The following DMD variants were observed in gnomAD, a reference collection of about 807,000 sequenced individuals.
DMD encodes dystrophin, also known as mutant dystrophin.
Under a neutral mutation model 330.1 loss-of-function variants are expected in DMD, and 63 were observed. That is an observed-to-expected ratio of 0.19 (90% CI 0.16 to 0.24). The LOEUF (loss-of-function observed/expected upper bound fraction) is 0.24. Ranked by LOEUF, DMD falls within the 10% of genes least tolerant of loss-of-function variation. The pLI, the probability that DMD is intolerant of heterozygous loss-of-function variation, is 1.00. For missense variants in DMD, 3,344 were observed against 2,684.1 expected, an observed-to-expected ratio of 1.25 and a Z score of -5.43; for synonymous variants, 1,223 against 959.8, an observed-to-expected ratio of 1.27 and a Z score of -5.07.
At chrX:32,949,068 T>C (rs1569544996) in intron 2 of DMD, among the ~76,000 whole-genome samples, 1 of 111,317 alleles carries the variant, frequency 9.0e-6, no homozygotes, top group East Asian at 2.8e-4. Flanking sequence ...TTTAAAGAGA[T>C]GTTTGGGGTT....
At chrX:32,494,632 A>G (rs2043308707) in intron 19 of DMD, among the ~76,000 whole-genome samples, 1 of 111,606 alleles carries the variant, frequency 9.0e-6, no homozygotes, top group African/African-American at 3.3e-5. Context: ...ATGCTGACAC[A>G]TACTAGGCAA....
chrX:32,814,552 G>A, intron 6 of DMD, among the ~76,000 whole-genome samples: 1 of 111,770 alleles, frequency 8.9e-6, no homozygotes, highest in Non-Finnish European at 1.9e-5. Flanking sequence ...AAAGAAGGGG[G>A]AGATGATTCA....
intron 1 of DMD, among the ~76,000 whole-genome samples, chrX:33,193,436 T>A (rs180671262): frequency 3.5e-5 from 4 of 112,864 alleles, no homozygotes. Flanking sequence ...TTTCAATATG[T>A]ATAGCAATTG....
In DMD at chrX:32,313,469, G is replaced by GCATT. The variant is rs980497995; in HGVS notation, c.5923-3197_5923-3194dup. ...CATACTGAATGGGCAAAAGCTAGAA[G>GCATT]CATTCCCTTTGAAAACTGGCACAAG... On this transcript the variant is annotated intron_variant, in intron 41 of 78. Coordinates refer to ENST00000357033, the MANE Select transcript of DMD (RefSeq NM_004006.3). 1.9e-4 allele frequency among the ~76,000 whole-genome samples: 21 copies of GCATT among 111,601 alleles called. 1 individual carries two copies. In the Middle Eastern group the frequency reaches 0.014, roughly 74 times the overall value.
At chrX:32,204,976 ATCTCTCTC>A (rs200970973) in intron 44 of DMD, among the ~76,000 whole-genome samples, 24 of 45,314 alleles carry the variant, frequency 5.3e-4, no homozygotes, top group South Asian at 2.9e-3. Flanking sequence ...CATCCAAGCC[ATCTCTCTC>A]TCTCTCTCTC....
chrX:31,479,228 T>C (rs2068051524), intron 57 of DMD, 125 bp from the exon 58 acceptor site: 1 of 778,870 alleles, frequency 1.3e-6, no homozygotes, highest in South Asian at 2.4e-5. Context: ...ATTTATACAC[T>C]GATGGTTATA....
At chrX:32,701,886 T>C (rs2064168132) in intron 7 of DMD, among the ~76,000 whole-genome samples, 1 of 111,947 alleles carries the variant, frequency 8.9e-6, no homozygotes, top group African/African-American at 3.2e-5. Flanking sequence ...AATGCAGCTG[T>C]TCATAAATAT....
At chrX:31,338,916 A>C (rs781371510) in intron 61 of DMD, among the ~76,000 whole-genome samples, 1 of 92,059 alleles carries the variant, frequency 1.1e-5, no homozygotes, top group Admixed American at 1.3e-4. Context: ...TAGATAAATT[A>C]GTCATTTCTG....
At chrX:33,300,057 T>TTACCAGAAAAGACAACTGTTTTACA (rs2053639710) in intron 1 of DMD, among the ~76,000 whole-genome samples, 1 of 112,154 alleles carries the variant, frequency 8.9e-6, no homozygotes, top group Non-Finnish European at 1.9e-5. Context: ...AGAAACCCCT[T>TTACCAGAAAAGACAACTGTTTTACA]TACCAGAAAA....
chrX:32,440,697 C>T (rs2098278584), intron 28 of DMD, among the ~76,000 whole-genome samples: 1 of 111,685 alleles, frequency 9.0e-6, no homozygotes, highest in East Asian at 2.8e-4. Flanking sequence ...TTTATGAATA[C>T]TTTAAAGATA....
At chrX:32,074,669 T>C (rs1175738752) in intron 44 of DMD, among the ~76,000 whole-genome samples, 1 of 111,462 alleles carries the variant, frequency 9.0e-6, no homozygotes, top group African/African-American at 3.3e-5. Flanking sequence ...AGTTGAGTAA[T>C]TGCGACAAAG....
chrX:31,643,878 A>G (rs923070384), intron 54 of DMD, among the ~76,000 whole-genome samples: 19 of 112,047 alleles, frequency 1.7e-4, no homozygotes, highest in African/African-American at 6.2e-4. Context: ...ATTTTGTTCA[A>G]TGTGCTCAAT....
At chrX:33,082,243 G>C (rs2094941403) in intron 1 of DMD, among the ~76,000 whole-genome samples, 1 of 111,751 alleles carries the variant, frequency 8.9e-6, no homozygotes, top group Non-Finnish European at 1.9e-5. Context: ...TTTAACCATA[G>C]TGCTCTTTAA....
chrX:31,142,239 T>A (rs1602106373), intron 76 of DMD, among the ~76,000 whole-genome samples: 1 of 112,035 alleles, frequency 8.9e-6, no homozygotes, highest in South Asian at 3.7e-4. Flanking sequence ...TGCAAGAATA[T>A]CTTTCATTTT....
chrX:33,055,320 C>T (rs2094504102), intron 1 of DMD, among the ~76,000 whole-genome samples: 1 of 111,049 alleles, frequency 9.0e-6, no homozygotes, highest in Admixed American at 9.6e-5. Flanking sequence ...TGGAAGCAGC[C>T]GGATTATTGG....
At chrX:31,368,058 T>C (rs2059352097) in intron 60 of DMD, among the ~76,000 whole-genome samples, 1 of 111,713 alleles carries the variant, frequency 9.0e-6, no homozygotes, top group Non-Finnish European at 1.9e-5. Flanking sequence ...GTGCAAGTTC[T>C]AACTCGTGCT....
In DMD at chrX:33,138,365, C is replaced by T. The variant is rs187046587; in HGVS notation, c.31+72917G>A. On this transcript the variant is annotated intron_variant, in intron 1 of 78. Transcript: ENST00000357033. ...CCTGATCACTCAGCTATTATATTGG[C>T]AGCAAAGCCTTTCTCTGGCATTACT... 1.8e-3 allele frequency among the ~76,000 whole-genome samples: 204 copies of T among 111,870 alleles called. 1 individual carries two copies. Among genetic ancestry groups the T allele is most frequent in the African/African-American group, 6.3e-3 (194 of 30,871 alleles).
intron 48 of DMD, among the ~76,000 whole-genome samples, chrX:31,845,264 T>C (rs987469969): frequency 1.8e-5 from 2 of 110,742 alleles, no homozygotes; most frequent in African/African-American, 6.6e-5. Context: ...GCAAGTTCCA[T>C]TGCCAAAAGG....
In DMD at chrX:31,693,656, T is replaced by C. The variant is rs187042821; in HGVS notation, c.7661-14070A>G. Among the ~76,000 whole-genome samples, 14 of 111,088 alleles carry C rather than the reference T, an allele frequency of 1.3e-4. No homozygotes were observed. The East Asian group carries it at 2.8e-3, about 22-fold the overall frequency. On this transcript the variant is annotated intron_variant, in intron 52 of 78. Transcript: ENST00000357033. Reference sequence around the variant, plus strand: ...TACAATAACAACAAACTGTCTAAAATAGAAATTAAGGAAACAATCTCACTT... The same window carrying C: ...TACAATAACAACAAACTGTCTAAAACAGAAATTAAGGAAACAATCTCACTT...
Sources: gnomAD v4.1 joint callset for allele counts (sites outside exome capture counted in the v4.1 genomes callset) on GRCh38, gnomAD v4.1.1 for gene constraint, MANE v1.5 for transcripts, NCBI Gene and HGNC (gene_info 2026-07-23, HGNC 2026-07-21) for gene names.